The following NRG1 variants were observed in gnomAD, a reference collection of about 807,000 sequenced individuals.
The protein encoded by NRG1 is pro-neuregulin-1, membrane-bound isoform.
A neutral mutation model predicts 63.8 loss-of-function variants in NRG1; 18 were observed. That is an observed-to-expected ratio of 0.28 (90% CI 0.19 to 0.42). The LOEUF is 0.42. NRG1 is among the 10% of genes least tolerant of loss of function. NRG1 has a pLI of 1.00. For synonymous variants in NRG1, 302 were observed against 301.3 expected, an observed-to-expected ratio of 1.00 and a Z score of -0.02; for missense variants, 762 against 814.7, an observed-to-expected ratio of 0.94 and a Z score of 0.79.
chr8:31,864,376 G>A (rs1828758696), intron 1 of NRG1, among the ~76,000 whole-genome samples: 2 of 152,082 alleles, frequency 1.3e-5, no homozygotes, highest in South Asian at 4.1e-4. Flanking sequence ...GTGCTAACTG[G>A]GGACTATGGC....
At chr8:31,866,727 A>G (rs1186346760) in intron 1 of NRG1, among the ~76,000 whole-genome samples, 1 of 152,158 alleles carries the variant, frequency 6.6e-6, no homozygotes, top group Admixed American at 6.6e-5. Flanking sequence ...TTATCTCTAG[A>G]TAGGAGCAAA....
intron 5 of NRG1, among the ~76,000 whole-genome samples, chr8:32,695,224 C>G (rs1485419450): frequency 6.6e-6 from 1 of 151,920 alleles, no homozygotes; most frequent in Admixed American, 6.6e-5. Flanking sequence ...ATCTGTAATC[C>G]CAGCTACTGA....
intron 5 of NRG1, among the ~76,000 whole-genome samples, chr8:32,715,937 T>C (rs1368060303): frequency 6.6e-6 from 1 of 152,222 alleles, no homozygotes; most frequent in Admixed American, 6.5e-5. Flanking sequence ...CCATCGTGCC[T>C]GGCCTAAACC....
At chr8:31,827,597 C>T (rs1007376694) in intron 1 of NRG1, among the ~76,000 whole-genome samples, 1 of 152,206 alleles carries the variant, frequency 6.6e-6, no homozygotes, top group Non-Finnish European at 1.5e-5. Flanking sequence ...TATCAAGAAT[C>T]TATTTGAAGG....
chr8:31,803,695 A>T (rs1396064060), intron 1 of NRG1, among the ~76,000 whole-genome samples: 1 of 152,210 alleles, frequency 6.6e-6, no homozygotes, highest in Non-Finnish European at 1.5e-5. Flanking sequence ...TTTGATCATT[A>T]TTCTCCTTTA....
intron 1 of NRG1, among the ~76,000 whole-genome samples, chr8:32,405,241 G>T (rs1813798334): frequency 6.6e-6 from 1 of 152,102 alleles, no homozygotes; most frequent in Non-Finnish European, 1.5e-5. Flanking sequence ...CTTGTTCTTA[G>T]GTCACTTCTT....
chr8:31,842,164 G>T (rs1003146118), intron 1 of NRG1, among the ~76,000 whole-genome samples: 1 of 152,194 alleles, frequency 6.6e-6, no homozygotes, highest in East Asian at 1.9e-4. Context: ...GGATCCCTAG[G>T]TTCCCTAATT....
At chr8:32,254,725 C>T (rs1849489419) in intron 1 of NRG1, among the ~76,000 whole-genome samples, 2 of 152,104 alleles carry the variant, frequency 1.3e-5, no homozygotes, top group Non-Finnish European at 2.9e-5. Flanking sequence ...ATGGAATATC[C>T]TTGTTAATTT....
At chr8:32,180,671 C>T (rs1215159729) in intron 1 of NRG1, among the ~76,000 whole-genome samples, 1 of 151,952 alleles carries the variant, frequency 6.6e-6, no homozygotes, top group Non-Finnish European at 1.5e-5. Flanking sequence ...TTATGGTGTA[C>T]AGCACATTGC....
At chr8:32,481,516 A>C (rs1477120198) in intron 1 of NRG1, among the ~76,000 whole-genome samples, 5 of 152,198 alleles carry the variant, frequency 3.3e-5, no homozygotes, top group Non-Finnish European at 7.3e-5. Flanking sequence ...CATAGATAAT[A>C]CTCTCAACCC....
intron 1 of NRG1, among the ~76,000 whole-genome samples, chr8:32,291,704 G>C (rs189376240): frequency 1.3e-5 from 2 of 151,510 alleles, no homozygotes; most frequent in Non-Finnish European, 2.9e-5. Flanking sequence ...CACCACTCCC[G>C]GCTAATTTGT....
At chr8:32,028,784 C>A (rs1484839876) in intron 1 of NRG1, among the ~76,000 whole-genome samples, 1 of 152,082 alleles carries the variant, frequency 6.6e-6, no homozygotes, top group Non-Finnish European at 1.5e-5. Context: ...CTAGATTCTT[C>A]CTGCAGTGGA....
intron 5 of NRG1, among the ~76,000 whole-genome samples, chr8:32,674,607 A>G (rs546086730): frequency 6.6e-6 from 1 of 152,374 alleles, no homozygotes; most frequent in East Asian, 1.9e-4. Flanking sequence ...TAAAAAGCAA[A>G]GAATTTTATG....
intron 1 of NRG1, among the ~76,000 whole-genome samples, chr8:32,171,738 C>G (rs1442374150): frequency 6.6e-6 from 1 of 152,130 alleles, no homozygotes; most frequent in Non-Finnish European, 1.5e-5. Context: ...CCCACGGAGC[C>G]TCCCTCATTG....
chr8:31,696,712 A>G (rs1044904562), intron 1 of NRG1, among the ~76,000 whole-genome samples: 6 of 152,302 alleles, frequency 3.9e-5, no homozygotes, highest in Non-Finnish European at 8.8e-5. Context: ...TTGTTAAATA[A>G]GTTAATGTGT....
At chr8:32,228,860 G>T (rs1226773082) in intron 1 of NRG1, among the ~76,000 whole-genome samples, 2 of 152,112 alleles carry the variant, frequency 1.3e-5, no homozygotes, top group African/African-American at 2.4e-5. Context: ...ATCCCACAAA[G>T]TTCTCTTTAG....
chr8:32,423,251 G>T (rs1454944580), intron 1 of NRG1, among the ~76,000 whole-genome samples: 1 of 152,166 alleles, frequency 6.6e-6, no homozygotes, highest in African/African-American at 2.4e-5. Context: ...AATTGAGGAG[G>T]CCTCACACTT....
At chr8:31,639,325 G>A (rs1403289373) in exon 1 of NRG1, 3 of 1,525,498 alleles carry the variant, frequency 2.0e-6, no homozygotes, top group Non-Finnish European at 2.6e-6. Context: ...GACAGAGAGG[G>A]AGGAGGCGCG....
chr8:32,223,241 C>T (rs996658942), intron 1 of NRG1, among the ~76,000 whole-genome samples: 7 of 152,212 alleles, frequency 4.6e-5, no homozygotes, highest in South Asian at 2.1e-4. Context: ...TCTTTTAAAA[C>T]GATAAACAAC....
Sources: gnomAD v4.1 joint callset for allele counts (sites outside exome capture counted in the v4.1 genomes callset) on GRCh38, gnomAD v4.1.1 for gene constraint, MANE v1.5 for transcripts, NCBI Gene and HGNC (gene_info 2026-07-23, HGNC 2026-07-21) for gene names.